SPATA16: variants seen among roughly 807,000 people sequenced by gnomAD.
SPATA16 encodes spermatogenesis associated 16.
SPATA16 carries 36 observed loss-of-function variants against 63.3 expected under a neutral mutation model. The observed-to-expected ratio is 0.57, with a 90% CI of 0.44 to 0.75. SPATA16 has a LOEUF of 0.75. Among genes scored for constraint, SPATA16 ranks in the 30% least tolerant of loss-of-function variants. The pLI, the probability that SPATA16 is intolerant of heterozygous loss-of-function variation, is 0.00. For synonymous variants in SPATA16, 203 were observed against 216.7 expected, an observed-to-expected ratio of 0.94 and a Z score of 0.56; for missense variants, 646 against 679.3, an observed-to-expected ratio of 0.95 and a Z score of 0.54.
intron 8 of SPATA16, among the ~76,000 whole-genome samples, 198 bp from the exon 9 acceptor site, chr3:172,916,679 G>A (rs1315504601): frequency 6.6e-6 from 1 of 152,104 alleles, no homozygotes; most frequent in East Asian, 1.9e-4. Context: ...ACATAAAAGG[G>A]AGTCCTTTGG....
At chr3:173,009,952 G>A (rs191721877) in intron 4 of SPATA16, among the ~76,000 whole-genome samples, 3 of 152,248 alleles carry the variant, frequency 2.0e-5, no homozygotes, top group African/African-American at 7.2e-5. Context: ...ATAAAGTTCC[G>A]TGACCAGTCT....
intron 4 of SPATA16, among the ~76,000 whole-genome samples, chr3:173,018,764 G>A (rs546691595): frequency 6.6e-6 from 1 of 152,168 alleles, no homozygotes; most frequent in Admixed American, 6.5e-5. Context: ...TTCCTGGGGC[G>A]GTAAAGTGGA....
chr3:173,059,822 C>A (rs1226180191), intron 2 of SPATA16, among the ~76,000 whole-genome samples: 1 of 142,592 alleles, frequency 7.0e-6, no homozygotes. Context: ...GTCTCTATCC[C>A]ATTTGGTAGC....
chr3:172,999,287 A>G (rs1438883691), intron 4 of SPATA16, among the ~76,000 whole-genome samples: 1 of 152,202 alleles, frequency 6.6e-6, no homozygotes, highest in African/African-American at 2.4e-5. Flanking sequence ...ATGTCTTTCA[A>G]GGAGTAGATT....
chr3:173,012,644 CT>C (rs368878025), intron 4 of SPATA16, among the ~76,000 whole-genome samples: 82 of 152,238 alleles, frequency 5.4e-4, no homozygotes, highest in Non-Finnish European at 9.1e-4. Context: ...ATCATCTGAT[CT>C]TTGACAAAGT....
intron 10 of SPATA16, among the ~76,000 whole-genome samples, chr3:172,896,348 G>C (rs1158442734): frequency 6.6e-6 from 1 of 152,184 alleles, no homozygotes; most frequent in Non-Finnish European, 1.5e-5. Flanking sequence ...AGCCTCCCGA[G>C]TAGCTGGGAC....
At chr3:172,959,680 C>G (rs1426977689) in intron 5 of SPATA16, among the ~76,000 whole-genome samples, 1 of 151,738 alleles carries the variant, frequency 6.6e-6, no homozygotes, top group Non-Finnish European at 1.5e-5. Context: ...CTTGAAACAT[C>G]CTTTTGTGTT....
At chr3:173,128,473 A>G (rs1304633301) in intron 1 of SPATA16, among the ~76,000 whole-genome samples, 2 of 152,118 alleles carry the variant, frequency 1.3e-5, no homozygotes, top group Non-Finnish European at 2.9e-5. Context: ...GAATCCCCTG[A>G]AGCCTTCTAG....
chr3:172,948,658 G>T (rs1055440895), intron 6 of SPATA16, among the ~76,000 whole-genome samples: 2 of 129,160 alleles, frequency 1.5e-5, no homozygotes, highest in African/African-American at 1.0e-4. Flanking sequence ...GTAGTGATGG[G>T]GGTCTCGCTA....
intron 4 of SPATA16, among the ~76,000 whole-genome samples, chr3:173,013,909 T>C (rs1013390742): frequency 2.0e-5 from 3 of 152,226 alleles, no homozygotes; most frequent in African/African-American, 7.2e-5. Flanking sequence ...CATTAGATAG[T>C]ATTATCAAGA....
chr3:173,110,566 A>T (rs750642414), intron 2 of SPATA16, among the ~76,000 whole-genome samples: 17 of 152,234 alleles, frequency 1.1e-4, no homozygotes, highest in Non-Finnish European at 2.2e-4. Context: ...CTTGAGAAGT[A>T]CAGTGACAAC....
chr3:172,896,479 C>T (rs1466956215), intron 10 of SPATA16, among the ~76,000 whole-genome samples: 12 of 152,162 alleles, frequency 7.9e-5, no homozygotes. Flanking sequence ...CCTTGGCCTC[C>T]CAAAGTGCTG....
chr3:173,055,565 A>G (rs1033825268), intron 2 of SPATA16, among the ~76,000 whole-genome samples: 1 of 152,244 alleles, frequency 6.6e-6, no homozygotes, highest in African/African-American at 2.4e-5. Flanking sequence ...AATTATAGGA[A>G]TGGAGAACAG....
At chr3:173,029,075 A>AG (rs969205405) in intron 3 of SPATA16, among the ~76,000 whole-genome samples, 8 of 152,020 alleles carry the variant, frequency 5.3e-5, no homozygotes, top group Admixed American at 1.3e-4. Context: ...GTTCAACATA[A>AG]GGGGGGACTT....
chr3:172,912,780 T>C (rs1732398005), intron 10 of SPATA16, among the ~76,000 whole-genome samples: 1 of 152,014 alleles, frequency 6.6e-6, no homozygotes, highest in Non-Finnish European at 1.5e-5. Context: ...AATAGTAGGC[T>C]ATTGGTAGTT....
intron 2 of SPATA16, among the ~76,000 whole-genome samples, chr3:173,090,128 G>A (rs1737185330): frequency 6.6e-6 from 1 of 152,162 alleles, no homozygotes; most frequent in Non-Finnish European, 1.5e-5. Context: ...TGAAAGTAGG[G>A]CTTGGTGAGA....
At chr3:172,924,398 G>A (rs977543080) in intron 7 of SPATA16, 81 bp from the exon 8 acceptor site, 22 of 1,078,518 alleles carry the variant, frequency 2.0e-5, no homozygotes, top group African/African-American at 3.1e-5. Flanking sequence ...AGCTATAAAC[G>A]AATATCTCAA....
At chr3:172,969,041 G>A (rs754103540) in intron 5 of SPATA16, among the ~76,000 whole-genome samples, 1 of 152,064 alleles carries the variant, frequency 6.6e-6, no homozygotes, top group Non-Finnish European at 1.5e-5. Flanking sequence ...TCATAAACTG[G>A]GAATTTTAAT....
chr3:172,931,603 T>A (rs1302695282), intron 6 of SPATA16, among the ~76,000 whole-genome samples: 3 of 152,198 alleles, frequency 2.0e-5, no homozygotes, highest in South Asian at 4.1e-4. Context: ...AATCAACATT[T>A]GAATTTAATC....
Sources: gnomAD v4.1 joint callset for allele counts (sites outside exome capture counted in the v4.1 genomes callset) on GRCh38, gnomAD v4.1.1 for gene constraint, MANE v1.5 for transcripts, NCBI Gene and HGNC (gene_info 2026-07-23, HGNC 2026-07-21) for gene names.